Variants in PHF24 observed in about 807,000 individuals in gnomAD.
PHF24 encodes PHD finger protein 24, also known as Galpha inhibitory interacting protein.
Under a neutral mutation model 42.6 loss-of-function variants are expected in PHF24, and 25 were observed. That is an observed-to-expected ratio of 0.59 (90% CI 0.43 to 0.82). The LOEUF is 0.82. Among genes scored for constraint, PHF24 ranks in the 40% least tolerant of loss-of-function variants. PHF24 has a pLI of 0.00. For missense variants in PHF24, 470 were observed against 538.1 expected (o/e 0.87, Z 1.25); for synonymous variants, 185 against 204.8 (o/e 0.90, Z 0.83).
chr9:34,865,632 C>A, the PHF24 span, among the ~76,000 whole-genome samples: 8 of 151,700 alleles, frequency 5.3e-5, no homozygotes, highest in Non-Finnish European at 1.2e-4. Flanking sequence ...AACCTCAAAT[C>A]AAAAAACATA....
the PHF24 span, among the ~76,000 whole-genome samples, chr9:34,783,037 T>C: frequency 9.2e-5 from 14 of 152,206 alleles, no homozygotes; most frequent in Admixed American, 2.0e-4. Context: ...ATTTGTAGCA[T>C]TGCTCTTGCC....
chr9:34,709,237 G>A, the PHF24 span: 9 of 906,444 alleles, frequency 9.9e-6, no homozygotes, highest in African/African-American at 8.4e-5. Context: ...TGGGAATGCA[G>A]ATGGGGTGGT....
chr9:34,882,900 T>C, the PHF24 span, among the ~76,000 whole-genome samples: 2 of 152,088 alleles, frequency 1.3e-5, no homozygotes, highest in Admixed American at 6.6e-5. Context: ...GGGCCCACAT[T>C]GCCAAGACAA....
At chr9:34,726,614 T>C in the PHF24 span, 1 of 1,551,770 alleles carries the variant, frequency 6.4e-7, no homozygotes, top group Non-Finnish European at 8.7e-7. Flanking sequence ...ATCTGGCACT[T>C]GAAATTCCTG....
chr9:34,892,962 A>T, the PHF24 span: 11 of 696,092 alleles, frequency 1.6e-5, no homozygotes, highest in Non-Finnish European at 2.8e-5. Context: ...TGCTTAAAAG[A>T]CACACTAGAT....
the PHF24 span, among the ~76,000 whole-genome samples, chr9:34,808,612 T>G: frequency 6.6e-6 from 1 of 152,104 alleles, no homozygotes; most frequent in African/African-American, 2.4e-5. Flanking sequence ...CACCAACAGT[T>G]TGGTGTCTGG....
the PHF24 span, among the ~76,000 whole-genome samples, chr9:34,853,087 TGGCTGTGG>T: frequency 6.6e-6 from 1 of 152,236 alleles, no homozygotes; most frequent in Admixed American, 6.5e-5. Flanking sequence ...AGCCTAATAT[TGGCTGTGG>T]GTTTGTCATA....
chr9:34,814,602 A>T, the PHF24 span, among the ~76,000 whole-genome samples: 4 of 152,222 alleles, frequency 2.6e-5, no homozygotes, highest in Admixed American at 2.6e-4. Context: ...AAAAAAAAAC[A>T]TGATGAGGCT....
chr9:34,787,297 C>A, the PHF24 span, among the ~76,000 whole-genome samples: 1 of 151,644 alleles, frequency 6.6e-6, no homozygotes, highest in Admixed American at 6.6e-5. Context: ...ACCTTGTTGG[C>A]ATCTTTAAAC....
chr9:34,826,144 T>C, the PHF24 span, among the ~76,000 whole-genome samples: 1,210 of 151,918 alleles, frequency 8.0e-3, 14 homozygotes, highest in Non-Finnish European at 0.013. Flanking sequence ...GGCCCCCCTC[T>C]CCCTCCCCAT....
At chr9:34,969,228 C>T (rs867578379) in intron 1 of PHF24, among the ~76,000 whole-genome samples, 3 of 152,174 alleles carry the variant, frequency 2.0e-5, no homozygotes, top group Admixed American at 2.0e-4. Flanking sequence ...GGGGATAACT[C>T]GACACCTGAA....
chr9:34,886,826 G>GTATGTATGTATCTATCTATC, the PHF24 span, among the ~76,000 whole-genome samples: 1 of 80,808 alleles, frequency 1.2e-5, no homozygotes, highest in African/African-American at 3.2e-5. Flanking sequence ...ATGTATCTAT[G>GTATGTATGTATCTATCTATC]TATCTATGTA....
the PHF24 span, among the ~76,000 whole-genome samples, chr9:34,766,968 C>T: frequency 6.6e-6 from 1 of 152,160 alleles, no homozygotes. Context: ...GAGGTCCACT[C>T]CAGACCCTGT....
the PHF24 span, chr9:34,832,408 G>C: frequency 8.4e-7 from 1 of 1,196,948 alleles, no homozygotes; most frequent in East Asian, 2.6e-5. Flanking sequence ...TGTAACCGAA[G>C]CTTATTGTCT....
chr9:34,835,705 G>A, the PHF24 span: 2 of 1,551,360 alleles, frequency 1.3e-6, no homozygotes, highest in Non-Finnish European at 1.7e-6. Flanking sequence ...GAGGTGATCA[G>A]CCCAGTAATC....
chr9:34,713,474 C>G, the PHF24 span, among the ~76,000 whole-genome samples: 1 of 151,820 alleles, frequency 6.6e-6, no homozygotes, highest in Non-Finnish European at 1.5e-5. Flanking sequence ...TCTGAAAGAC[C>G]AGCAACCTCT....
At chr9:34,936,011 G>A in the PHF24 span, among the ~76,000 whole-genome samples, 1 of 150,258 alleles carries the variant, frequency 6.7e-6, no homozygotes, top group African/African-American at 2.5e-5. Context: ...AAAAAATTGA[G>A]TCTCCCTCTC....
intron 1 of PHF24, among the ~76,000 whole-genome samples, chr9:34,961,668 C>T (rs528736100): frequency 6.6e-6 from 1 of 152,364 alleles, no homozygotes; most frequent in Admixed American, 6.5e-5. Context: ...TGAAACTCAG[C>T]TGCTGTGCTA....
At chr9:34,767,970 G>T in the PHF24 span, among the ~76,000 whole-genome samples, 1 of 152,148 alleles carries the variant, frequency 6.6e-6, no homozygotes, top group Non-Finnish European at 1.5e-5. Flanking sequence ...GAAGTCAGTG[G>T]CTTCCATAAT....
Sources: gnomAD v4.1 joint callset for allele counts (sites outside exome capture counted in the v4.1 genomes callset) on GRCh38, gnomAD v4.1.1 for gene constraint, MANE v1.5 for transcripts, NCBI Gene and HGNC (gene_info 2026-07-23, HGNC 2026-07-21) for gene names.